Variants in USP18 observed in about 807,000 individuals in gnomAD.
The protein encoded by USP18 is ubl carboxyl-terminal hydrolase 18.
USP18 carries 11 observed loss-of-function variants against 48.7 expected under a neutral mutation model. The ratio of observed to expected loss-of-function variants is 0.23; its 90% CI spans 0.14 to 0.37. The LOEUF (loss-of-function observed/expected upper bound fraction) is 0.37. Ranked by LOEUF, USP18 falls within the 10% of genes least tolerant of loss-of-function variation. The probability of loss-of-function intolerance (pLI) is 1.00; values close to 1 mark genes in which losing one functional copy is unlikely to be tolerated. For synonymous variants in USP18, 114 were observed against 163.2 expected, an observed-to-expected ratio of 0.70 and a Z score of 2.30; for missense variants, 285 against 436.4, an observed-to-expected ratio of 0.65 and a Z score of 3.09.
chr22:18,175,397 G>A (rs1416539584), intron 10 of USP18, among the ~76,000 whole-genome samples: 3 of 151,208 alleles, frequency 2.0e-5, no homozygotes, highest in Admixed American at 6.6e-5. Context: ...TGAAGCTTGC[G>A]TTTGAAATCC....
chr22:18,168,949 C>G (rs553405054), intron 6 of USP18, among the ~76,000 whole-genome samples: 18 of 152,188 alleles, frequency 1.2e-4, no homozygotes, highest in African/African-American at 3.9e-4. Context: ...TTAATAGGAG[C>G]CCCCTCCTGT....
chr22:18,172,874 A>C (rs1027406662), intron 8 of USP18, among the ~76,000 whole-genome samples: 1 of 149,620 alleles, frequency 6.7e-6, no homozygotes, highest in Non-Finnish European at 1.5e-5. Flanking sequence ...CACCCCTCCC[A>C]GGGGAAAGTT....
intron 10 of USP18, among the ~76,000 whole-genome samples, chr22:18,174,498 G>A (rs1020681089): frequency 5.3e-5 from 8 of 152,100 alleles, no homozygotes; most frequent in Non-Finnish European, 7.4e-5. Context: ...CCAAAGTGCT[G>A]GGATTACAGG....
chr22:18,160,984 G>C (rs931382793), intron 3 of USP18, among the ~76,000 whole-genome samples: 2 of 151,850 alleles, frequency 1.3e-5, no homozygotes, highest in African/African-American at 4.8e-5. Context: ...TGGCCAGGCT[G>C]GTCTCAATTT....
chr22:18,166,298 CT>C (rs1310383806), intron 4 of USP18, among the ~76,000 whole-genome samples: 1 of 152,028 alleles, frequency 6.6e-6, no homozygotes, highest in Non-Finnish European at 1.5e-5. Context: ...ATAGTTTTTT[CT>C]TTATTGATAC....
chr22:18,158,245 G>A (rs568222085), intron 2 of USP18, among the ~76,000 whole-genome samples: 114 of 152,228 alleles, frequency 7.5e-4, no homozygotes, highest in Non-Finnish European at 1.0e-3. Flanking sequence ...CTGAGATCAC[G>A]CCACTGCACT....
intron 9 of USP18, 105 bp downstream of exon 9, chr22:18,173,386 C>A (rs1602533651): frequency 6.6e-7 from 1 of 1,517,964 alleles, no homozygotes. Flanking sequence ...ACACTGTGAT[C>A]CTGCTGTCTG....
At chr22:18,150,689 G>T (rs1043288945) in intron 1 of USP18, among the ~76,000 whole-genome samples, 1 of 152,236 alleles carries the variant, frequency 6.6e-6, no homozygotes, top group Non-Finnish European at 1.5e-5. Context: ...GATTCGGCCG[G>T]GTACGGTGGC....
At chr22:18,152,459 CAAA>C (rs34118953) in intron 1 of USP18, among the ~76,000 whole-genome samples, 16 of 127,080 alleles carry the variant, frequency 1.3e-4, no homozygotes, top group Middle Eastern at 4.3e-3. Context: ...GAACGTGAAC[CAAA>C]AAAAAAAAAA....
intron 10 of USP18, among the ~76,000 whole-genome samples, chr22:18,175,652 T>C: frequency 6.7e-6 from 1 of 148,638 alleles, no homozygotes; most frequent in East Asian, 1.9e-4. Context: ...CAGATGAGCA[T>C]GGCTGGGGTC....
chr22:18,173,517 C>G (rs1267348636), intron 9 of USP18, among the ~76,000 whole-genome samples: 1 of 152,186 alleles, frequency 6.6e-6, no homozygotes, highest in African/African-American at 2.4e-5. Flanking sequence ...GGCTCATGCT[C>G]TGCAGCTTCC....
chr22:18,159,073 T>A (rs1284758410), intron 2 of USP18, among the ~76,000 whole-genome samples: 3 of 152,168 alleles, frequency 2.0e-5, no homozygotes, highest in Admixed American at 2.0e-4. Context: ...TGTGTGTGTG[T>A]GAGATGGAGT....
At chr22:18,172,285 C>T (rs1929650220) in intron 8 of USP18, among the ~76,000 whole-genome samples, 2 of 152,142 alleles carry the variant, frequency 1.3e-5, no homozygotes, top group African/African-American at 2.4e-5. Flanking sequence ...TGAAGCAAAT[C>T]CCAGACATCA....
intron 1 of USP18, among the ~76,000 whole-genome samples, chr22:18,151,615 CAT>C (rs1929001539): frequency 6.6e-6 from 1 of 151,428 alleles, no homozygotes; most frequent in Non-Finnish European, 1.5e-5. Flanking sequence ...TTAACATAAA[CAT>C]AGTTTCAAAG....
intron 1 of USP18, among the ~76,000 whole-genome samples, chr22:18,153,115 G>C (rs1287441214): frequency 1.3e-5 from 2 of 152,138 alleles, no homozygotes; most frequent in Non-Finnish European, 2.9e-5. Context: ...TGTTATCTGA[G>C]CCATCCAACA....
rs767020514 is a variant in USP18 at position 18,173,846 on chromosome 22, A to G, written c.1073+4A>G. 5 of 1,599,560 alleles carry G rather than the reference A, an allele frequency of 3.1e-6. No individual in the cohort carries two copies. In the Admixed American group the frequency reaches 6.7e-5, roughly 22 times the overall value. ...ACGGAAATCCTAACTACCACTGGTAAGAAACAGATTTGGGTAATTGGAGTC... is the reference window on the plus strand; with the variant it reads ...ACGGAAATCCTAACTACCACTGGTAGGAAACAGATTTGGGTAATTGGAGTC... On this transcript the variant is annotated splice_donor_region_variant and intron_variant, in intron 10 of 10. Coordinates refer to ENST00000215794, the MANE Select transcript of USP18 (RefSeq NM_017414.4).
intron 1 of USP18, among the ~76,000 whole-genome samples, chr22:18,157,065 C>G (rs1037100985): frequency 6.6e-6 from 1 of 152,192 alleles, no homozygotes; most frequent in Admixed American, 6.5e-5. Context: ...TGCCTAAGGC[C>G]GACAGGTAGC....
chr22:18,163,599 C>T (rs758134700), intron 4 of USP18, among the ~76,000 whole-genome samples: 26 of 150,538 alleles, frequency 1.7e-4, no homozygotes, highest in Admixed American at 7.3e-4. Flanking sequence ...GCCGAGATTG[C>T]GCCACTGCAC....
intron 7 of USP18, 25 bp downstream of exon 7, chr22:18,169,964 A>T: frequency 6.4e-7 from 1 of 1,559,638 alleles, no homozygotes; most frequent in African/African-American, 1.4e-5. Context: ...AATCAGACTC[A>T]GCTGTCCCTC....
Sources: gnomAD v4.1 joint callset for allele counts (sites outside exome capture counted in the v4.1 genomes callset) on GRCh38, gnomAD v4.1.1 for gene constraint, MANE v1.5 for transcripts, NCBI Gene and HGNC (gene_info 2026-07-23, HGNC 2026-07-21) for gene names.